The following OR1J2 variants were observed in gnomAD, a reference collection of about 807,000 sequenced individuals.
OR1J2 encodes the protein olfactory receptor 1J2.
For missense variants in OR1J2, 304 were observed against 246.1 expected (o/e 1.24, Z -1.57); for synonymous variants, 142 against 99.7 (o/e 1.42, Z -2.52).
chr9:122,505,337 C>T, the OR1J2 span, among the ~76,000 whole-genome samples: 1 of 152,186 alleles, frequency 6.6e-6, no homozygotes, highest in African/African-American at 2.4e-5. Flanking sequence ...AATAAGGGGA[C>T]TGAGTATGTT....
chr9:122,539,770 G>A, the OR1J2 span, among the ~76,000 whole-genome samples: 1 of 152,156 alleles, frequency 6.6e-6, no homozygotes, highest in African/African-American at 2.4e-5. Flanking sequence ...ATCCTCTCCA[G>A]CACCTGTTGT....
At chr9:122,464,509 C>T in the OR1J2 span, among the ~76,000 whole-genome samples, 1 of 152,220 alleles carries the variant, frequency 6.6e-6, no homozygotes, top group Non-Finnish European at 1.5e-5. Flanking sequence ...GTTCTTGTGG[C>T]AGTTCTTAGA....
the OR1J2 span, among the ~76,000 whole-genome samples, chr9:122,576,167 A>G: frequency 0.26 from 39,348 of 151,434 alleles, 5,548 homozygotes; most frequent in African/African-American, 0.32. Flanking sequence ...GTAAGAGTAC[A>G]GAAAGTATAT....
chr9:122,503,454 C>T, the OR1J2 span, among the ~76,000 whole-genome samples: 10 of 152,214 alleles, frequency 6.6e-5, no homozygotes, highest in African/African-American at 2.4e-4. Flanking sequence ...CTGTTGGACT[C>T]ATGCATAGCC....
chr9:122,487,458 AACACACACACACAC>A, the OR1J2 span, among the ~76,000 whole-genome samples: 2 of 148,980 alleles, frequency 1.3e-5, no homozygotes, highest in African/African-American at 2.5e-5. Flanking sequence ...GGAGATGATT[AACACACACACACAC>A]ACACACACAC....
the OR1J2 span, among the ~76,000 whole-genome samples, chr9:122,447,792 A>T: frequency 1.3e-5 from 2 of 152,066 alleles, no homozygotes; most frequent in Non-Finnish European, 2.9e-5. Context: ...TGTTCTAAAA[A>T]CAATAGGGTT....
the OR1J2 span, among the ~76,000 whole-genome samples, chr9:122,565,162 A>G: frequency 6.6e-6 from 1 of 152,152 alleles, no homozygotes; most frequent in African/African-American, 2.4e-5. Flanking sequence ...TGGTGCATCT[A>G]TTTGGATTTT....
the OR1J2 span, chr9:122,520,009 A>G: frequency 3.7e-6 from 6 of 1,614,192 alleles, no homozygotes; most frequent in Non-Finnish European, 5.1e-6. Flanking sequence ...CCCTTCATTT[A>G]TAGCCTAAGG....
the OR1J2 span, among the ~76,000 whole-genome samples, chr9:122,453,023 C>T: frequency 1.7e-5 from 2 of 116,526 alleles, no homozygotes; most frequent in Non-Finnish European, 3.4e-5. Context: ...AGCAAAGCTT[C>T]GTCTCAAAAA....
the OR1J2 span, among the ~76,000 whole-genome samples, chr9:122,470,940 C>T: frequency 6.6e-6 from 1 of 152,180 alleles, no homozygotes; most frequent in African/African-American, 2.4e-5. Flanking sequence ...TACCTGTACC[C>T]CCATTGTATC....
chr9:122,554,085 A>G, the OR1J2 span: 1 of 1,613,382 alleles, frequency 6.2e-7, no homozygotes, highest in Non-Finnish European at 8.5e-7. Context: ...AAACCCATTC[A>G]TTTATAGCTT....
At chr9:122,532,814 T>G in the OR1J2 span, among the ~76,000 whole-genome samples, 2 of 152,094 alleles carry the variant, frequency 1.3e-5, no homozygotes, top group Admixed American at 6.6e-5. Flanking sequence ...TCTTTTGTAA[T>G]AATTCTGACC....
chr9:122,523,889 C>T, the OR1J2 span, among the ~76,000 whole-genome samples: 2 of 152,196 alleles, frequency 1.3e-5, no homozygotes, highest in African/African-American at 4.8e-5. Context: ...ATTACCCCAC[C>T]TCTGATTCAA....
the OR1J2 span, chr9:122,526,455 G>A: frequency 3.2e-6 from 5 of 1,539,134 alleles, no homozygotes; most frequent in East Asian, 1.1e-4. Flanking sequence ...CAACATGGGA[G>A]TCACTATGGT....
At chr9:122,523,104 G>A in the OR1J2 span, among the ~76,000 whole-genome samples, 1 of 152,188 alleles carries the variant, frequency 6.6e-6, no homozygotes, top group African/African-American at 2.4e-5. Flanking sequence ...ATCAGCAAAA[G>A]CTTTACAGGG....
At chr9:122,519,562 G>T in the OR1J2 span, 2 of 1,614,156 alleles carry the variant, frequency 1.2e-6, no homozygotes, top group Non-Finnish European at 1.7e-6. Flanking sequence ...GAGGGACTGT[G>T]TAACTTACTA....
At chr9:122,450,410 G>A in the OR1J2 span, among the ~76,000 whole-genome samples, 1 of 152,106 alleles carries the variant, frequency 6.6e-6, no homozygotes, top group African/African-American at 2.4e-5. Context: ...CAGCCTGGGT[G>A]ACAGAGCAAG....
the OR1J2 span, among the ~76,000 whole-genome samples, chr9:122,504,287 G>A: frequency 6.6e-6 from 1 of 152,176 alleles, no homozygotes; most frequent in African/African-American, 2.4e-5. Flanking sequence ...TTCTATTGGA[G>A]TTTACCAGAG....
At chr9:122,475,905 T>A in the OR1J2 span, 1 of 152,248 alleles carries the variant, frequency 6.6e-6, no homozygotes, top group Admixed American at 6.5e-5. Flanking sequence ...CAGTGTTCCA[T>A]GTAAACTATT....
Sources: allele counts gnomAD v4.1 joint callset (sites outside exome capture counted in the v4.1 genomes callset), GRCh38; gene constraint gnomAD v4.1.1; transcripts MANE v1.5; gene names NCBI Gene and HGNC (gene_info 2026-07-23, HGNC 2026-07-21).